Variants in COL22A1 observed in about 807,000 individuals in gnomAD.
The protein encoded by COL22A1 is collagen alpha-1(XXII) chain.
A neutral mutation model predicts 248.9 loss-of-function variants in COL22A1; 221 were observed. The ratio of observed to expected loss-of-function variants is 0.89; its 90% confidence interval spans 0.80 to 0.99. The LOEUF is 0.99. COL22A1 is among the 50% of genes least tolerant of loss of function. COL22A1 has a pLI of 0.00. For missense variants in COL22A1, 2,240 were observed against 2,179.0 expected (o/e 1.03, Z -0.56); for synonymous variants, 891 against 793.4 (o/e 1.12, Z -2.07).
At chr8:138,752,983 T>C (rs1211382474) in intron 21 of COL22A1, among the ~76,000 whole-genome samples, 1 of 152,220 alleles carries the variant, frequency 6.6e-6, no homozygotes, top group Non-Finnish European at 1.5e-5. Flanking sequence ...TCATTTAACC[T>C]CATAGTATGT....
intron 3 of COL22A1, among the ~76,000 whole-genome samples, chr8:138,849,259 T>C (rs571030515): frequency 2.0e-5 from 3 of 152,320 alleles, no homozygotes; most frequent in Admixed American, 1.3e-4. Flanking sequence ...TCTTGGCTGC[T>C]CTGCTGGAAG....
At chr8:138,602,532 A>G (rs1464659406) in intron 59 of COL22A1, among the ~76,000 whole-genome samples, 1 of 152,194 alleles carries the variant, frequency 6.6e-6, no homozygotes, top group Non-Finnish European at 1.5e-5. Context: ...GGGGACAGAT[A>G]GTTCTGCGGT....
chr8:138,750,291 C>A (rs1433849363), intron 22 of COL22A1, among the ~76,000 whole-genome samples: 1 of 152,192 alleles, frequency 6.6e-6, no homozygotes. Context: ...CTTCCTGATG[C>A]CTTTCCCTGC....
intron 36 of COL22A1, 93 bp from the exon 37 acceptor site, chr8:138,689,063 C>T (rs1826604011): frequency 9.8e-7 from 1 of 1,018,622 alleles, no homozygotes. Context: ...ATCAGGTCCC[C>T]CTGAAGTCAA....
intron 22 of COL22A1, among the ~76,000 whole-genome samples, chr8:138,744,481 CCACACACA>C (rs60847304): frequency 6.9e-4 from 102 of 148,750 alleles, no homozygotes; most frequent in Non-Finnish European, 1.3e-3. Context: ...CACACACACA[CCACACACA>C]CACACACACA....
chr8:138,806,180 T>C (rs1817702455), intron 10 of COL22A1, among the ~76,000 whole-genome samples: 1 of 47,910 alleles, frequency 2.1e-5, no homozygotes, highest in Admixed American at 1.9e-4. Flanking sequence ...GTGTAAGTAA[T>C]GGTGTGTGAT....
chr8:138,608,186 A>G (rs913991666), intron 56 of COL22A1, among the ~76,000 whole-genome samples, 197 bp from the exon 57 acceptor site: 1 of 152,230 alleles, frequency 6.6e-6, no homozygotes, highest in African/African-American at 2.4e-5. Context: ...TTTAATTCAT[A>G]ATATTGTTGT....
chr8:138,638,554 C>A (rs138589446), intron 47 of COL22A1, among the ~76,000 whole-genome samples: 53 of 152,238 alleles, frequency 3.5e-4, no homozygotes, highest in African/African-American at 1.2e-3. Context: ...CTAATAATCC[C>A]CCCTCTCTCT....
chr8:138,768,950 G>A (rs1834135217), intron 16 of COL22A1, among the ~76,000 whole-genome samples: 1 of 151,704 alleles, frequency 6.6e-6, no homozygotes, highest in Non-Finnish European at 1.5e-5. Flanking sequence ...AAAAAAAAAA[G>A]AGGATGCCAT....
intron 3 of COL22A1, among the ~76,000 whole-genome samples, chr8:138,858,533 C>T (rs1441775295): frequency 6.6e-6 from 1 of 152,080 alleles, no homozygotes; most frequent in Non-Finnish European, 1.5e-5. Context: ...GGCACATGCC[C>T]ACCACATCCA....
In COL22A1 at chr8:138,719,459, G is replaced by C. The variant is rs544196180; in HGVS notation, c.2355+1280C>G. Among the ~76,000 whole-genome samples the C allele has an allele frequency of 3.9e-5, 6 of 152,316 alleles. No homozygotes were observed. In the East Asian group the frequency reaches 1.2e-3, roughly 29 times the overall value. ...CTCGGATCTGGAATCCAGGAAGTGG[G>C]AGGCTCATAGTGGCTCTTGGCAATA... On this transcript the variant is annotated intron_variant, in intron 27 of 64. Transcript: ENST00000303045.
At chr8:138,764,934 C>T (rs906599973) in intron 16 of COL22A1, among the ~76,000 whole-genome samples, 4 of 151,998 alleles carry the variant, frequency 2.6e-5, no homozygotes, top group Admixed American at 6.6e-5. Context: ...CCAGCCTGGG[C>T]GACAGAGTGA....
In COL22A1 at chr8:138,589,389, C is replaced by T. The variant is rs1325881030; in HGVS notation, c.4745G>A (p.Gly1582Asp). 6.3e-7 allele frequency: 1 copy of T among 1,597,180 alleles called. No homozygotes were observed. Among genetic ancestry groups the T allele is most frequent in the South Asian group, 1.1e-5 (1 of 89,432 alleles). Reference protein sequence around the residue: ...YAKDGLPGIPGPQGETGPAGH... With the variant: ...YAKDGLPGIPDPQGETGPAGH... ...AGCTGGTCCTGTCTCCCCTTGAGGG[C>T]CAGGGATCCCAGGAAGTCCATCTTT... Residue 1582 changes from glycine to aspartate, a missense_variant, in exon 65 of 65, where the codon GGC (glycine) becomes GAC (aspartate). Gly to Asp is a moderately conservative substitution (Grantham distance 94). Transcript: ENST00000303045.
intron 21 of COL22A1, among the ~76,000 whole-genome samples, chr8:138,752,806 A>C (rs1430914904): frequency 6.6e-6 from 1 of 152,258 alleles, no homozygotes; most frequent in Admixed American, 6.5e-5. Context: ...GAAGTCACTG[A>C]AGCCAGCTTC....
At chr8:138,676,360 C>A (rs1481956578) in intron 41 of COL22A1, among the ~76,000 whole-genome samples, 198 bp downstream of exon 41, 1 of 139,920 alleles carries the variant, frequency 7.1e-6, no homozygotes, top group Non-Finnish European at 1.5e-5. Context: ...TGCACCACTG[C>A]ACTCCAGCCT....
In COL22A1 at chr8:138,725,438, G is replaced by A. The variant is rs747935376; in HGVS notation, c.2142C>T (p.Gly714=). The A allele has an allele frequency of 3.2e-5, 52 of 1,613,088 alleles. No individual in the cohort carries two copies. The South Asian group carries it at 5.6e-4, about 17-fold the overall frequency. The change falls in exon 24 of 65, where the codon GGC becomes GGT. Residue 714 remains glycine (G), a splice_region_variant and synonymous_variant. Coordinates refer to ENST00000303045, the MANE Select transcript of COL22A1 (RefSeq NM_152888.3). ...CTGGGACACCAGGGGGTCCTGGAGGGCCCTGTAGAGAAAGAGCATTTGGTG... is the reference window on the plus strand; with the variant it reads ...CTGGGACACCAGGGGGTCCTGGAGGACCCTGTAGAGAAAGAGCATTTGGTG... ...PGIPGLLGLQ[G]PPGPPGVPGP...
chr8:138,677,511 C>CGTAATTTCAATTATTTTGAA, intron 40 of COL22A1, among the ~76,000 whole-genome samples: 1 of 152,020 alleles, frequency 6.6e-6, no homozygotes, highest in Admixed American at 6.5e-5. Flanking sequence ...AAGGCCGAGC[C>CGTAATTTCAATTATTTTGAA]ACGCCTTATT....
chr8:138,850,846 T>TAAATAGGATGGAC (rs1403010365), intron 3 of COL22A1, among the ~76,000 whole-genome samples: 3 of 152,158 alleles, frequency 2.0e-5, no homozygotes, highest in African/African-American at 4.8e-5. Flanking sequence ...TCCTAAAGGT[T>TAAATAGGATGGAC]AAATAGGATG....
chr8:138,889,672 T>G (rs895983855), intron 1 of COL22A1, among the ~76,000 whole-genome samples: 4 of 152,202 alleles, frequency 2.6e-5, no homozygotes, highest in African/African-American at 9.7e-5. Flanking sequence ...GTAACTAACC[T>G]GCACATTGTG....
Sources: gnomAD v4.1 joint callset for allele counts (sites outside exome capture counted in the v4.1 genomes callset) on GRCh38, gnomAD v4.1.1 for gene constraint, MANE v1.5 for transcripts, NCBI Gene and HGNC (gene_info 2026-07-23, HGNC 2026-07-21) for gene names.